MAP1LC3B2: variants seen among roughly 807,000 people sequenced by gnomAD.
The protein encoded by MAP1LC3B2 is microtubule associated protein 1 light chain 3 beta 2.
For synonymous variants in MAP1LC3B2, 62 were observed against 57.8 expected, an observed-to-expected ratio of 1.07 and a Z score of -0.33; for missense variants, 155 against 154.6, an observed-to-expected ratio of 1.00 and a Z score of -0.01.
chr12:116,563,866 T>C (rs1869327878), intron 1 of MAP1LC3B2, among the ~76,000 whole-genome samples: 1 of 152,166 alleles, frequency 6.6e-6, no homozygotes, highest in African/African-American at 2.4e-5. Context: ...CTGATTTTTT[T>C]TTCTTCTGCA....
intron 1 of MAP1LC3B2, among the ~76,000 whole-genome samples, chr12:116,568,579 T>C (rs1869449124): frequency 6.6e-6 from 1 of 152,220 alleles, no homozygotes; most frequent in East Asian, 1.9e-4. Flanking sequence ...AAATTTCATG[T>C]ACTGGAAACT....
intron 1 of MAP1LC3B2, among the ~76,000 whole-genome samples, chr12:116,569,673 C>T (rs1869479967): frequency 6.6e-6 from 1 of 152,060 alleles, no homozygotes; most frequent in Admixed American, 6.6e-5. Flanking sequence ...TAGAATGGCG[C>T]TTATATACAT....
At chr12:116,560,499 G>A (rs557362091) in intron 1 of MAP1LC3B2, among the ~76,000 whole-genome samples, 101 of 151,872 alleles carry the variant, frequency 6.7e-4, no homozygotes, top group Middle Eastern at 6.8e-3. Context: ...CGCCCACCTC[G>A]GCCTCCCAAA....
chr12:116,570,643 C>T (rs1592868214), intron 1 of MAP1LC3B2, among the ~76,000 whole-genome samples: 1 of 152,172 alleles, frequency 6.6e-6, no homozygotes, highest in Non-Finnish European at 1.5e-5. Flanking sequence ...TTCTCTCTTG[C>T]CTGCTGCCAT....
chr12:116,560,191 T>C (rs1388852495), intron 1 of MAP1LC3B2: 93 of 1,004 alleles, frequency 0.093, 2 homozygotes, highest in Admixed American at 0.2. Context: ...AGTTTGGCTA[T>C]ATATATATAT....
chr12:116,572,653 G>A (rs11068086), intron 1 of MAP1LC3B2, among the ~76,000 whole-genome samples: 60,339 of 151,630 alleles, frequency 0.4, 13,497 homozygotes, highest in Non-Finnish European at 0.51. Flanking sequence ...CGTGAGCCAC[G>A]GCGCCCAGCC....
chr12:116,573,628 T>C (rs1869598619), intron 1 of MAP1LC3B2, among the ~76,000 whole-genome samples: 1 of 152,014 alleles, frequency 6.6e-6, no homozygotes, highest in Non-Finnish European at 1.5e-5. Context: ...GCAATTCTCC[T>C]GCCCCAGCCT....
intron 1 of MAP1LC3B2, among the ~76,000 whole-genome samples, chr12:116,566,075 A>C (rs1459144686): frequency 6.6e-6 from 1 of 152,058 alleles, no homozygotes; most frequent in East Asian, 1.9e-4. Context: ...ACAATAACAA[A>C]CTTCTCATCA....
chr12:116,573,503 C>CCTTTAT (rs771953480), intron 1 of MAP1LC3B2, among the ~76,000 whole-genome samples: 2 of 151,986 alleles, frequency 1.3e-5, no homozygotes, highest in Non-Finnish European at 2.9e-5. Context: ...ATATCGTCTT[C>CCTTTAT]CTTTTTCTTT....
At chr12:116,561,946 A>G (rs1869281431) in intron 1 of MAP1LC3B2, among the ~76,000 whole-genome samples, 1 of 152,174 alleles carries the variant, frequency 6.6e-6, no homozygotes, top group South Asian at 2.1e-4. Flanking sequence ...TTGCTTCAGC[A>G]TCCTGGCTTG....
At chr12:116,562,788 C>A (rs1403519843) in intron 1 of MAP1LC3B2, among the ~76,000 whole-genome samples, 3 of 152,088 alleles carry the variant, frequency 2.0e-5, no homozygotes, top group African/African-American at 4.8e-5. Flanking sequence ...TGTCTTGATT[C>A]TGGATTGTAA....
In MAP1LC3B2 at chr12:116,570,346, C is replaced by T. The variant is rs143267799; in HGVS notation, c.-101-5496C>T. On this transcript the variant is annotated intron_variant, in intron 1 of 1. Transcript: ENST00000556529. Reference sequence around the variant, plus strand: ...CATTCAATAAACATGAGATATTCAACACTTTATTATAAAATAGGCTTTGTG... The same window carrying T: ...CATTCAATAAACATGAGATATTCAATACTTTATTATAAAATAGGCTTTGTG... Among the ~76,000 whole-genome samples the T allele has an allele frequency of 3.9e-3, 588 of 152,330 alleles. 1 individual carries two copies. The highest frequency in any genetic ancestry group is 0.014 in the African/African-American group (570 of 41,578).
intron 1 of MAP1LC3B2, among the ~76,000 whole-genome samples, chr12:116,572,510 T>C (rs1210389323): frequency 6.6e-6 from 1 of 151,910 alleles, no homozygotes; most frequent in Non-Finnish European, 1.5e-5. Flanking sequence ...GACTACAGGC[T>C]TCCGCCACTA....
chr12:116,561,268 C>G (rs1184789024), intron 1 of MAP1LC3B2, among the ~76,000 whole-genome samples: 4 of 150,254 alleles, frequency 2.7e-5, no homozygotes, highest in African/African-American at 1.0e-4. Context: ...AAGTGAGACC[C>G]TGTCTCAAAA....
rs182827073 is a variant in MAP1LC3B2, at chr12:116,569,274, G to A, written c.-101-6568G>A. Among the ~76,000 whole-genome samples the A allele has an allele frequency of 7.1e-4, 108 of 152,266 alleles. 1 individual carries two copies. Among genetic ancestry groups the A allele is most frequent in the Admixed American group, 7.0e-3 (107 of 15,292 alleles). On this transcript the variant is annotated intron_variant, in intron 1 of 1. Coordinates refer to ENST00000556529, the MANE Select transcript of MAP1LC3B2 (RefSeq NM_001085481.3). The stretch of plus-strand genomic sequence containing the variant: ...TTGCTCACTCACCTGTCCAGAAGCT[G>A]TCCAGAGATTGATGCTGAAGAGACC...
chr12:116,576,087 A>G lies in MAP1LC3B2; in HGVS notation c.145A>G (p.Lys49Glu), dbSNP rs1869670560. The stretch of plus-strand genomic sequence containing the variant: ...TGAGAAGCAGCTTCCTGTTCTGGAT[A>G]AAACAAAGTTCCTTGTACCTGACCA... ...KGEKQLPVLD[K>E]TKFLVPDHVN... The change falls in exon 2 of 2, where the codon AAA becomes GAA. Residue 49 changes from lysine to glutamate, a missense_variant. Coordinates refer to ENST00000556529, the MANE Select transcript of MAP1LC3B2 (RefSeq NM_001085481.3). 6.2e-7 allele frequency: 1 copy of G among 1,614,132 alleles called. No homozygotes were observed. Among genetic ancestry groups the G allele is most frequent in the Non-Finnish European group, 8.5e-7 (1 of 1,180,050 alleles).
Position 116,575,960 on chromosome 12 carries a change from C to T in MAP1LC3B2, c.18C>T (p.Thr6=). The change falls in exon 2 of 2, where the codon ACC becomes ACT. Residue 6 remains threonine, a synonymous_variant. Coordinates refer to ENST00000556529, the MANE Select transcript of MAP1LC3B2 (RefSeq NM_001085481.3). MPSEK[T]FKQRRTFEQR... Reference sequence around the variant, plus strand: ...CCCACACCATGCCGTCGGAGAAGACCTTCAAGCAGCGGCGCACCTTCGAAC... The same window carrying T: ...CCCACACCATGCCGTCGGAGAAGACTTTCAAGCAGCGGCGCACCTTCGAAC... The T allele has an allele frequency of 6.2e-7, 1 of 1,614,224 alleles. No homozygotes were observed. The highest frequency in any genetic ancestry group is 2.2e-5 in the East Asian group (1 of 44,882).
intron 1 of MAP1LC3B2, among the ~76,000 whole-genome samples, chr12:116,574,843 T>A (rs909812483): frequency 1.3e-4 from 19 of 151,732 alleles, no homozygotes; most frequent in African/African-American, 4.6e-4. Flanking sequence ...GGCCTATATA[T>A]TTAAATATAA....
intron 1 of MAP1LC3B2, among the ~76,000 whole-genome samples, chr12:116,572,767 C>T (rs2136963884): frequency 6.6e-6 from 1 of 152,304 alleles, no homozygotes; most frequent in Middle Eastern, 3.4e-3. Flanking sequence ...CACTGGAAAT[C>T]GGTGATTAAG....
Sources: allele counts gnomAD v4.1 joint callset (sites outside exome capture counted in the v4.1 genomes callset), GRCh38; gene constraint gnomAD v4.1.1; transcripts MANE v1.5; gene names NCBI Gene and HGNC (gene_info 2026-07-23, HGNC 2026-07-21).